RALYL: variants seen among roughly 807,000 people sequenced by gnomAD.
RALYL encodes RALY RNA binding protein like.
RALYL carries 29 observed loss-of-function variants against 35.1 expected under a neutral mutation model. The ratio of observed to expected loss-of-function variants is 0.83; its 90% CI spans 0.61 to 1.13. The LOEUF is 1.13. RALYL is among the 50% of genes most tolerant of loss of function. RALYL has a pLI of 0.00. For synonymous variants in RALYL, 120 were observed against 127.6 expected (o/e 0.94, Z 0.40); for missense variants, 359 against 360.4 (o/e 1.00, Z 0.03).
chr8:84,529,655 C>T lies in RALYL; in HGVS notation c.256+78C>T, dbSNP rs566210220. Reference sequence around the variant, plus strand: ...TGTTTTATTTCACAAAACCCAACACCACTGTTGTTTCTACCTCTTCTTTAA... The same window carrying T: ...TGTTTTATTTCACAAAACCCAACACTACTGTTGTTTCTACCTCTTCTTTAA... On this transcript the variant is annotated intron_variant, in intron 2 of 8. Coordinates refer to ENST00000521268, the MANE Select transcript of RALYL (RefSeq NM_173848.7). 33 of 1,337,512 alleles carry T rather than the reference C, an allele frequency of 2.5e-5. No individual in the cohort carries two copies. In the African/African-American group the frequency reaches 4.8e-4, roughly 19 times the overall value. The allele number at this position is 1,337,512 out of a possible 1,614,324, so 82.9% of individuals were successfully genotyped here.
chr8:84,802,421 T>TGAA (rs1255676317), intron 3 of RALYL, among the ~76,000 whole-genome samples: 4 of 152,218 alleles, frequency 2.6e-5, no homozygotes, highest in Non-Finnish European at 5.9e-5. Context: ...GAATTTCTTC[T>TGAA]GAAGTCTTCT....
At chr8:84,786,985 G>A (rs1190291304) in intron 3 of RALYL, among the ~76,000 whole-genome samples, 4 of 152,068 alleles carry the variant, frequency 2.6e-5, no homozygotes, top group African/African-American at 7.2e-5. Flanking sequence ...TTTGTATGGT[G>A]GGAATATAGA....
chr8:84,403,524 GTTTTTTTTTTTT>G (rs769845435), intron 1 of RALYL, among the ~76,000 whole-genome samples: 24 of 39,480 alleles, frequency 6.1e-4, no homozygotes, highest in South Asian at 1.8e-3. Context: ...CTATATCTCT[GTTTTTTTTTTTT>G]TTTTTTTTTT....
chr8:84,469,647 T>G (rs1483066775), intron 1 of RALYL, among the ~76,000 whole-genome samples: 1 of 152,204 alleles, frequency 6.6e-6, no homozygotes, highest in Non-Finnish European at 1.5e-5. Context: ...CAGGCCTCCT[T>G]GAGCTGTGGT....
At chr8:84,450,053 T>A (rs2049290719) in intron 1 of RALYL, among the ~76,000 whole-genome samples, 1 of 151,832 alleles carries the variant, frequency 6.6e-6, no homozygotes, top group Non-Finnish European at 1.5e-5. Context: ...TGTAGATTTG[T>A]GTCTAAAATA....
chr8:84,557,552 C>T (rs2061212423), intron 2 of RALYL, among the ~76,000 whole-genome samples: 1 of 152,188 alleles, frequency 6.6e-6, no homozygotes, highest in Non-Finnish European at 1.5e-5. Flanking sequence ...TCTCTATGAA[C>T]ATTTAAACAT....
chr8:84,245,618 A>G (rs1314389857), intron 1 of RALYL, among the ~76,000 whole-genome samples: 1 of 152,206 alleles, frequency 6.6e-6, no homozygotes, highest in East Asian at 1.9e-4. Flanking sequence ...GCGTATGCAT[A>G]TGACTTATCA....
intron 1 of RALYL, among the ~76,000 whole-genome samples, chr8:84,270,888 T>C (rs997327050): frequency 6.6e-6 from 1 of 152,090 alleles, no homozygotes; most frequent in African/African-American, 2.4e-5. Context: ...AGTGTCAGCA[T>C]AAATCATTAG....
intron 2 of RALYL, among the ~76,000 whole-genome samples, chr8:84,621,245 C>CCGTGGG (rs1203476481): frequency 6.6e-6 from 1 of 152,304 alleles, no homozygotes; most frequent in African/African-American, 2.4e-5. Flanking sequence ...CAGGGAGACT[C>CCGTGGG]CGTGGGCGTG....
chr8:84,191,514 C>T (rs747402217), intron 1 of RALYL, among the ~76,000 whole-genome samples: 45 of 152,082 alleles, frequency 3.0e-4, no homozygotes, highest in Non-Finnish European at 5.0e-4. Flanking sequence ...GCCCTTTAGT[C>T]TTCCTTAACC....
chr8:84,371,033 G>C (rs1341733341), intron 1 of RALYL, among the ~76,000 whole-genome samples: 2 of 151,898 alleles, frequency 1.3e-5, no homozygotes, highest in African/African-American at 2.4e-5. Flanking sequence ...ACACAGCCTG[G>C]CCTATGATGT....
At chr8:84,520,430 CTTT>C (rs754276080) in intron 1 of RALYL, among the ~76,000 whole-genome samples, 3 of 152,174 alleles carry the variant, frequency 2.0e-5, no homozygotes, top group Admixed American at 2.0e-4. Context: ...GATCTTACTT[CTTT>C]AAGTCTCTTT....
At chr8:84,397,150 A>G (rs73300796) in intron 1 of RALYL, among the ~76,000 whole-genome samples, 4,296 of 152,232 alleles carry the variant, frequency 0.028, 199 homozygotes, top group African/African-American at 0.097. Flanking sequence ...CCTTGAAAAT[A>G]GAGGGAGGGC....
intron 4 of RALYL, among the ~76,000 whole-genome samples, chr8:84,845,808 A>T (rs1314144372): frequency 1.3e-5 from 2 of 152,094 alleles, no homozygotes; most frequent in Non-Finnish European, 2.9e-5. Flanking sequence ...ATCTATCTTG[A>T]GTCAGTTTTT....
intron 8 of RALYL, among the ~76,000 whole-genome samples, chr8:84,909,129 A>T (rs1847069248): frequency 6.6e-6 from 1 of 152,138 alleles, no homozygotes; most frequent in African/African-American, 2.4e-5. Flanking sequence ...AATGATTTCC[A>T]TCAAAATAGG....
In RALYL at chr8:84,879,951, C is replaced by T. The variant is rs150639082; in HGVS notation, c.685+6554C>T. On this transcript the variant is annotated intron_variant, in intron 7 of 8. Coordinates refer to ENST00000521268, the MANE Select transcript of RALYL (RefSeq NM_173848.7). Reference sequence around the variant, plus strand: ...GGAGATAAAATTGAACTCAACTCTGCAAAAATAAAAGGCAGAATAATTTTT... The same window carrying T: ...GGAGATAAAATTGAACTCAACTCTGTAAAAATAAAAGGCAGAATAATTTTT... Among the ~76,000 whole-genome samples the T allele has an allele frequency of 2.0e-3, 311 of 152,088 alleles. 3 individuals are homozygous for T. Among genetic ancestry groups the T allele is most frequent in the African/African-American group, 7.3e-3 (304 of 41,514 alleles).
intron 1 of RALYL, among the ~76,000 whole-genome samples, chr8:84,215,914 T>G (rs1563547282): frequency 6.6e-6 from 1 of 152,162 alleles, no homozygotes; most frequent in Non-Finnish European, 1.5e-5. Context: ...GTGTCTCCCT[T>G]CTCATCACTG....
chr8:84,718,550 G>T (rs192986047), intron 2 of RALYL, among the ~76,000 whole-genome samples: 8 of 152,182 alleles, frequency 5.3e-5, no homozygotes, highest in Non-Finnish European at 1.0e-4. Flanking sequence ...GATCACCTGA[G>T]GTCAGGAGTC....
At chr8:84,729,318 T>A (rs112591021) in intron 2 of RALYL, among the ~76,000 whole-genome samples, 31,083 of 152,030 alleles carry the variant, frequency 0.2, 3,426 homozygotes, top group Non-Finnish European at 0.24. Flanking sequence ...TTTTGTACAC[T>A]GATTTTGTAT....
Sources: gnomAD v4.1 joint callset for allele counts (sites outside exome capture counted in the v4.1 genomes callset) on GRCh38, gnomAD v4.1.1 for gene constraint, MANE v1.5 for transcripts, NCBI Gene and HGNC (gene_info 2026-07-23, HGNC 2026-07-21) for gene names.